Variants in PIP5K1A observed in about 807,000 individuals in gnomAD.
The protein encoded by PIP5K1A is phosphatidylinositol 4-phosphate 5-kinase type-1 alpha.
In PIP5K1A, 46 loss-of-function variants were observed where a neutral mutation model predicts 72.9. The ratio of observed to expected loss-of-function variants is 0.63; its 90% CI spans 0.50 to 0.81. The LOEUF is 0.81. PIP5K1A is among the 30% of genes least tolerant of loss of function. The probability of loss-of-function intolerance (pLI) is 0.00; values close to 1 mark genes in which losing one functional copy is unlikely to be tolerated. For missense variants in PIP5K1A, 458 were observed against 706.1 expected (o/e 0.65, Z 3.98); for synonymous variants, 228 against 255.1 (o/e 0.89, Z 1.01).
In PIP5K1A at chr1:151,233,054, C is replaced by T. The variant is rs1316030673; in HGVS notation, c.639+351C>T. 4.7e-5 allele frequency among the ~76,000 whole-genome samples: 7 copies of T among 150,390 alleles called. No individual in the cohort carries two copies. The East Asian group carries it at 1.4e-3, about 30-fold the overall frequency. On this transcript the variant is annotated intron_variant, in intron 7 of 15. Coordinates refer to ENST00000368888, the MANE Select transcript of PIP5K1A (RefSeq NM_001135638.2). Reference sequence around the variant, plus strand: ...GGCGAAGTTTGCAGTGAGCCGAGATCCTGCCACTGCACTCCAGCCTGGGTA... The same window carrying T: ...GGCGAAGTTTGCAGTGAGCCGAGATTCTGCCACTGCACTCCAGCCTGGGTA...
At chr1:151,212,881 CTTTTTTT>C (rs59115186) in intron 1 of PIP5K1A, among the ~76,000 whole-genome samples, 1 of 112,998 alleles carries the variant, frequency 8.8e-6, no homozygotes, top group Admixed American at 1.0e-4. Context: ...CTGACTTTGC[CTTTTTTT>C]TTTTTTTTTT....
intron 1 of PIP5K1A, among the ~76,000 whole-genome samples, chr1:151,204,337 C>T (rs748724006): frequency 1.3e-5 from 2 of 152,128 alleles, no homozygotes; most frequent in Non-Finnish European, 1.5e-5. Context: ...CCAACACGCC[C>T]GGCTAATTTT....
chr1:151,232,229 C>T lies in PIP5K1A; in HGVS notation c.369-19C>T, dbSNP rs750065921. The T allele has an allele frequency of 1.3e-6, 2 of 1,539,324 alleles. No homozygotes were observed. Among genetic ancestry groups the T allele is most frequent in the Non-Finnish European group, 1.8e-6 (2 of 1,112,324 alleles). Reference sequence around the variant, plus strand: ...GATAGGGACTGGCAAGTTATGGCTACCTCTGTTTAACCCCACAGTGAAGGG... The same window carrying T: ...GATAGGGACTGGCAAGTTATGGCTATCTCTGTTTAACCCCACAGTGAAGGG... On this transcript the variant is annotated intron_variant, in intron 5 of 15. Transcript: ENST00000368888.
intron 4 of PIP5K1A, among the ~76,000 whole-genome samples, chr1:151,229,657 G>A (rs777800414): frequency 4.0e-5 from 6 of 149,410 alleles, no homozygotes; most frequent in Non-Finnish European, 8.9e-5. Flanking sequence ...CACAGCACCC[G>A]GCCATTTAGC....
intron 1 of PIP5K1A, among the ~76,000 whole-genome samples, chr1:151,215,236 C>T (rs587599020): frequency 8.6e-5 from 13 of 151,692 alleles, no homozygotes; most frequent in Non-Finnish European, 1.8e-4. Flanking sequence ...CGGGGTTTCT[C>T]CATGTTGGTC....
At chr1:151,206,862 G>T (rs1686009085) in intron 1 of PIP5K1A, among the ~76,000 whole-genome samples, 1 of 151,816 alleles carries the variant, frequency 6.6e-6, no homozygotes, top group African/African-American at 2.4e-5. Flanking sequence ...CACCTTCCCG[G>T]CTATTTTTGT....
chr1:151,224,251 C>T lies in PIP5K1A; in HGVS notation c.92C>T (p.Ser31Phe). ...GTTTTTTTTTCCCCCCTAGCAGCAT[C>T]TGGAATCAAGAGACCCATGGCATCT... ...VPSCTLSSAA[S>F]GIKRPMASEV... The change falls in exon 2 of 16, where the codon TCT (serine) becomes TTT (phenylalanine). Residue 31 changes from serine to phenylalanine, a missense_variant. Coordinates refer to ENST00000368888, the MANE Select transcript of PIP5K1A (RefSeq NM_001135638.2). 1 of 1,613,108 alleles carries T rather than the reference C, an allele frequency of 6.2e-7. No homozygotes were observed. The highest frequency in any genetic ancestry group is 1.1e-5 in the South Asian group (1 of 91,050).
intron 1 of PIP5K1A, among the ~76,000 whole-genome samples, chr1:151,208,367 T>C (rs1184573378): frequency 2.0e-5 from 3 of 150,960 alleles, no homozygotes; most frequent in East Asian, 1.9e-4. Flanking sequence ...TTTTCTTTTT[T>C]TTTTTTTTTT....
rs983311212 is a variant in PIP5K1A, at chr1:151,226,054, C to G, written c.157-1266C>G. Among the ~76,000 whole-genome samples the G allele has an allele frequency of 3.3e-5, 5 of 149,866 alleles. No individual in the cohort carries two copies. The Admixed American group carries it at 3.3e-4, about 10-fold the overall frequency. ...TTGGCCTTCTGAGTAGCTGAGATTA[C>G]AGGTGCATGCCACACCACCCAGCTA... On this transcript the variant is annotated intron_variant, in intron 3 of 15. Transcript: ENST00000368888.
chr1:151,228,895 T>A (rs756300942), intron 4 of PIP5K1A, among the ~76,000 whole-genome samples: 3 of 152,104 alleles, frequency 2.0e-5, no homozygotes, highest in East Asian at 3.9e-4. Flanking sequence ...TTTTTAAATT[T>A]TTTTTTTTTA....
intron 1 of PIP5K1A, among the ~76,000 whole-genome samples, chr1:151,214,844 G>T (rs1019100519): frequency 6.6e-6 from 1 of 151,954 alleles, no homozygotes; most frequent in African/African-American, 2.4e-5. Flanking sequence ...AGCCTTCTGA[G>T]TAGCTGGGAC....
chr1:151,215,583 C>G (rs1437604946), intron 1 of PIP5K1A, among the ~76,000 whole-genome samples: 1 of 152,160 alleles, frequency 6.6e-6, no homozygotes, highest in Non-Finnish European at 1.5e-5. Flanking sequence ...GATCACGCCT[C>G]CCAAAGTGCT....
chr1:151,212,582 CT>C (rs71580364), intron 1 of PIP5K1A, among the ~76,000 whole-genome samples: 38 of 148,360 alleles, frequency 2.6e-4, no homozygotes, highest in Admixed American at 3.4e-4. Flanking sequence ...TCGACTTTGC[CT>C]TTTTTTTTTT....
At position 151,231,806 on chromosome 1, in the gene PIP5K1A, A is replaced by C. The variant is rs372578766; in HGVS notation, c.368+5A>C. The C allele has an allele frequency of 8.1e-6, 13 of 1,613,748 alleles. No homozygotes were observed. The highest frequency in any genetic ancestry group is 2.7e-5 in the African/African-American group (2 of 74,910). On this transcript the variant is annotated splice_donor_5th_base_variant and intron_variant, in intron 5 of 15. Transcript: ENST00000368888. ...TGAGAGTATCTTCTTTCCCAGGTAC[A>C]GAGTTTAATGTTCAGGAGCATGTCC... is the stretch of plus-strand genomic sequence containing the variant.
intron 14 of PIP5K1A, among the ~76,000 whole-genome samples, chr1:151,245,448 A>G (rs1350741340): frequency 6.6e-6 from 1 of 151,788 alleles, no homozygotes; most frequent in Admixed American, 6.6e-5. Context: ...CCTCCAAGCC[A>G]CCCCCAATGT....
chr1:151,198,900 G>C lies in PIP5K1A; in HGVS notation c.-97G>C. ...GGCGGGGAGGTGGCCCACAGAACGC[G>C]GGTTCTGTAAAGAGACGTTGGGAAG... is the stretch of plus-strand genomic sequence containing the variant. On this transcript the variant is annotated 5_prime_UTR_variant, in exon 1 of 16. Coordinates refer to ENST00000368888, the MANE Select transcript of PIP5K1A (RefSeq NM_001135638.2). 2 of 1,223,108 alleles carry C rather than the reference G, an allele frequency of 1.6e-6. No homozygotes were observed. The highest frequency in any genetic ancestry group is 2.4e-6 in the Non-Finnish European group (2 of 842,710). 75.8% of individuals were successfully genotyped at this position (1,223,108 alleles called of 1,614,324 possible).
At position 151,246,930 on chromosome 1, in the gene PIP5K1A, G is replaced by T. The variant is rs779731734; in HGVS notation, c.1651G>T (p.Glu551Ter). ...TTTTTCTCCTGTTAGTACAACCTTG[G>T]AAAAGCTTGAAGTTGCAGAGTCAGA... The part of the protein sequence containing the change: ...LQMLTTSTTL[E>*]KLEVAESEFT... The change falls in exon 15 of 16, where the codon GAA (glutamate) becomes TAA (stop). Residue 551 changes from glutamate (E) to a stop codon, truncating the protein, a stop_gained. Transcript: ENST00000368888. LOFTEE classifies it high-confidence loss of function. The T allele has an allele frequency of 6.2e-7, 1 of 1,613,092 alleles. No homozygotes were observed. Among genetic ancestry groups the T allele is most frequent in the Middle Eastern group, 1.6e-4 (1 of 6,062 alleles).
At chr1:151,221,230 T>C (rs1015159724) in intron 1 of PIP5K1A, among the ~76,000 whole-genome samples, 2 of 152,198 alleles carry the variant, frequency 1.3e-5, no homozygotes, top group Admixed American at 6.5e-5. Flanking sequence ...AAATAACCTT[T>C]CTAAAAATAT....
intron 1 of PIP5K1A, chr1:151,223,897 A>G: frequency 4.1e-6 from 1 of 245,862 alleles, no homozygotes; most frequent in Non-Finnish European, 7.9e-6. Context: ...GCTGAGCAGG[A>G]GAATCACTTG....
Sources: allele counts gnomAD v4.1 joint callset (sites outside exome capture counted in the v4.1 genomes callset), GRCh38; gene constraint gnomAD v4.1.1; transcripts MANE v1.5; gene names NCBI Gene and HGNC (gene_info 2026-07-23, HGNC 2026-07-21).